CALM2: variants seen among roughly 807,000 people sequenced by gnomAD.
The protein encoded by CALM2 is calmodulin-2.
In CALM2, 2 loss-of-function variants were observed where a neutral mutation model predicts 19.8. The ratio of observed to expected loss-of-function variants is 0.10; its 90% CI spans 0.04 to 0.32. The LOEUF (loss-of-function observed/expected upper bound fraction) is 0.32. Among genes scored for constraint, CALM2 ranks in the 10% least tolerant of loss-of-function variants. The pLI, the probability that CALM2 is intolerant of heterozygous loss-of-function variation, is 1.00. For synonymous variants in CALM2, 51 were observed against 52.1 expected, an observed-to-expected ratio of 0.98 and a Z score of 0.09; for missense variants, 38 against 178.7, an observed-to-expected ratio of 0.21 and a Z score of 4.49.
rs747307824 is a variant in CALM2 at position 47,176,487 on chromosome 2, T to C, written c.-44A>G. On this transcript the variant is annotated 5_prime_UTR_variant, in exon 1 of 6. Transcript: ENST00000272298. The stretch of plus-strand genomic sequence containing the variant: ...TTCCGAGACGCGACCACACAACCAC[T>C]CAGCTCGCTCTCTCCACTCGGACTA... 9 of 1,612,210 alleles carry C rather than the reference T, an allele frequency of 5.6e-6. No individual in the cohort carries two copies. Among genetic ancestry groups the C allele is most frequent in the Non-Finnish European group, 6.8e-6 (8 of 1,179,468 alleles).
At chr2:47,176,514 T>C (rs1211339367), upstream of CALM2, 1 of 1,603,026 alleles carries the variant, frequency 6.2e-7, no homozygotes, top group Non-Finnish European at 8.5e-7. Context: ...CTCGGACTAA[T>C]TCGCCTCCTC....
At chr2:47,173,094 A>T (rs1457984001) in intron 1 of CALM2, 2 of 152,216 alleles carry the variant, frequency 1.3e-5, no homozygotes, top group Non-Finnish European at 2.9e-5. Flanking sequence ...TGGAAGGTTG[A>T]GAAGCTTTTT....
intron 2 of CALM2, among the ~76,000 whole-genome samples, chr2:47,165,749 G>A (rs1471541687): frequency 2.0e-5 from 3 of 152,126 alleles, no homozygotes; most frequent in African/African-American, 7.2e-5. Flanking sequence ...GCTGTCTACA[G>A]GATATAGCTC....
chr2:47,175,778 CGAGCGGGGCG>C (rs1288825304), intron 1 of CALM2, among the ~76,000 whole-genome samples: 1 of 150,008 alleles, frequency 6.7e-6, no homozygotes, highest in Non-Finnish European at 1.5e-5. Context: ...CGAGCGGGGC[CGAGCGGGGCG>C]GCGGCTCCGG....
intron 1 of CALM2, among the ~76,000 whole-genome samples, chr2:47,175,645 A>G (rs1317570383): frequency 6.6e-6 from 1 of 151,690 alleles, no homozygotes; most frequent in Admixed American, 6.6e-5. Context: ...AAGGAAGATT[A>G]GGGTTGCCAG....
chr2:47,166,316 C>T (rs567414140), intron 2 of CALM2, among the ~76,000 whole-genome samples: 1 of 152,304 alleles, frequency 6.6e-6, no homozygotes, highest in Admixed American at 6.5e-5. Flanking sequence ...ACATTCTCTG[C>T]TATGGGTATC....
intron 2 of CALM2, among the ~76,000 whole-genome samples, chr2:47,169,092 A>G (rs1666587921): frequency 6.6e-6 from 1 of 152,108 alleles, no homozygotes; most frequent in Non-Finnish European, 1.5e-5. Flanking sequence ...TTCTTTTCAA[A>G]GAGTTGTTTA....
At position 47,164,886 on chromosome 2, in the gene CALM2, G is replaced by A. The variant is rs767920619; in HGVS notation, c.35-2224C>T. ...GCCTGCTTATCCCTAACTCCAATTC[G>A]CGTACACCTTCCAGTTTCATTCCGT... On this transcript the variant is annotated intron_variant, in intron 2 of 5. Transcript: ENST00000272298. 3.7e-4 allele frequency among the ~76,000 whole-genome samples: 56 copies of A among 152,046 alleles called. 1 individual carries two copies. Among genetic ancestry groups the A allele is most frequent in the Non-Finnish European group, 3.4e-4 (23 of 68,020 alleles).
intron 2 of CALM2, 23 bp downstream of exon 2, chr2:47,170,711 C>T (rs770921136): frequency 3.8e-6 from 6 of 1,591,892 alleles, no homozygotes; most frequent in Non-Finnish European, 4.3e-6. Context: ...CTAATGGGTA[C>T]AATCTAGCTG....
At chr2:47,175,999 C>T (rs920033403) in intron 1 of CALM2, among the ~76,000 whole-genome samples, 1 of 152,102 alleles carries the variant, frequency 6.6e-6, no homozygotes, top group Non-Finnish European at 1.5e-5. Context: ...CGGCCGCAAG[C>T]GGACAAAGGC....
At chr2:47,163,549 CAGCCTCCCGAGT>C (rs1666333257) in intron 2 of CALM2, 1 of 152,042 alleles carries the variant, frequency 6.6e-6, no homozygotes, top group Non-Finnish European at 1.5e-5. Context: ...TCTCCTGCCT[CAGCCTCCCGAGT>C]AGCTGGAATT....
chr2:47,164,595 CAA>C (rs57421631), intron 2 of CALM2, among the ~76,000 whole-genome samples: 343 of 132,050 alleles, frequency 2.6e-3, no homozygotes, highest in African/African-American at 7.7e-3. Context: ...AGACTTGTCT[CAA>C]AAAAAAAAAA....
chr2:47,162,762 C>T (rs1330050218), intron 2 of CALM2, 100 bp from the exon 3 acceptor site: 13 of 1,015,324 alleles, frequency 1.3e-5, no homozygotes, highest in Non-Finnish European at 1.7e-5. Flanking sequence ...GTGGTGGGAT[C>T]GTGCCAGTGA....
chr2:47,175,859 G>A (rs1298877977), intron 1 of CALM2, among the ~76,000 whole-genome samples: 27 of 147,842 alleles, frequency 1.8e-4, no homozygotes, highest in African/African-American at 6.6e-4. Context: ...GCGCGGGCTC[G>A]GCCCACACAG....
rs1025341795 is a variant in CALM2, at chr2:47,160,430, TCAA to T, written c.*343_*345del. 8 of 191,484 alleles carry T rather than the reference TCAA, an allele frequency of 4.2e-5. No homozygotes were observed. The highest frequency in any genetic ancestry group is 6.4e-5 in the Non-Finnish European group (6 of 94,120). 11.9% of individuals were successfully genotyped at this position (191,484 alleles called of 1,614,324 possible). Reference sequence around the variant, plus strand: ...CCACGCAGAGTTACAACTCCACACTTCAACAACAACATGCTGACAGTTCCTAAA... The same window carrying T: ...CCACGCAGAGTTACAACTCCACACTTCAACAACATGCTGACAGTTCCTAAA... On this transcript the variant is annotated 3_prime_UTR_variant, in exon 6 of 6. Transcript: ENST00000272298.
At chr2:47,176,776 C>T, upstream of CALM2, 1 of 985,442 alleles carries the variant, frequency 1.0e-6, no homozygotes, top group Non-Finnish European at 1.2e-6. Context: ...TACTTTGCGG[C>T]GCGGAGGAGC....
At chr2:47,168,952 A>G (rs1050068561) in intron 2 of CALM2, among the ~76,000 whole-genome samples, 3 of 151,942 alleles carry the variant, frequency 2.0e-5, no homozygotes, top group African/African-American at 7.3e-5. Context: ...TAATTTTTGT[A>G]TTTTTAGGAG....
chr2:47,175,652 C>G (rs1360983482), intron 1 of CALM2, among the ~76,000 whole-genome samples: 1 of 151,782 alleles, frequency 6.6e-6, no homozygotes, highest in Non-Finnish European at 1.5e-5. Context: ...ATTAGGGTTG[C>G]CAGAGGGGGA....
At chr2:47,169,471 C>T (rs1215072150) in intron 2 of CALM2, among the ~76,000 whole-genome samples, 2 of 151,724 alleles carry the variant, frequency 1.3e-5, no homozygotes, top group South Asian at 4.1e-4. Flanking sequence ...TTTGAGGAGA[C>T]ATGAGATCAA....
Sources: gnomAD v4.1 joint callset for allele counts (sites outside exome capture counted in the v4.1 genomes callset) on GRCh38, gnomAD v4.1.1 for gene constraint, MANE v1.5 for transcripts, NCBI Gene and HGNC (gene_info 2026-07-23, HGNC 2026-07-21) for gene names.